Variants in BRWD1 observed in about 807,000 individuals in gnomAD.
BRWD1 encodes bromodomain and WD repeat domain containing 1, also known as bromodomain and WD repeat-containing protein 1.
BRWD1 carries 82 observed loss-of-function variants against 251.2 expected under a neutral mutation model. The ratio of observed to expected loss-of-function variants is 0.33; its 90% CI spans 0.27 to 0.39. BRWD1 has a LOEUF of 0.39. Ranked by LOEUF, BRWD1 falls within the 10% of genes least tolerant of loss-of-function variation. The probability of loss-of-function intolerance (pLI) is 1.00; values close to 1 mark genes in which losing one functional copy is unlikely to be tolerated. For missense variants in BRWD1, 2,233 were observed against 2,711.6 expected (o/e 0.82, Z 3.92); for synonymous variants, 918 against 902.8 (o/e 1.02, Z -0.30).
chr21:39,317,209 G>A (rs2036707855), upstream of BRWD1: 1 of 152,168 alleles, frequency 6.6e-6, no homozygotes, highest in East Asian at 1.9e-4. Flanking sequence ...CTCCAAACAA[G>A]GCAAGAATCT....
chr21:39,308,880 A>G (rs2036374334), intron 4 of BRWD1, among the ~76,000 whole-genome samples: 1 of 152,194 alleles, frequency 6.6e-6, no homozygotes, highest in Admixed American at 6.5e-5. Context: ...GAGATTTAAG[A>G]TAATCAGGGA....
intron 30 of BRWD1, 33 bp from the exon 31 acceptor site, chr21:39,218,305 T>C: frequency 6.3e-7 from 1 of 1,581,854 alleles, no homozygotes; most frequent in Non-Finnish European, 8.6e-7. Context: ...TTTTAATCAA[T>C]AAATCCATTG....
chr21:39,301,978 G>GTTTTTTTTT (rs750413248), intron 4 of BRWD1, among the ~76,000 whole-genome samples: 11 of 79,866 alleles, frequency 1.4e-4, no homozygotes, highest in East Asian at 4.0e-4. Context: ...AGCTTTGTGT[G>GTTTTTTTTT]TTTTTTTTTT....
chr21:39,261,232 A>AT (rs893757255), intron 17 of BRWD1, among the ~76,000 whole-genome samples: 15 of 152,268 alleles, frequency 9.9e-5, no homozygotes, highest in African/African-American at 3.6e-4. Flanking sequence ...CTCAAAAAAA[A>AT]TTTTTTTAAT....
chr21:39,202,117 T>G (rs2032138994), intron 38 of BRWD1, among the ~76,000 whole-genome samples: 1 of 152,228 alleles, frequency 6.6e-6, no homozygotes. Flanking sequence ...AATTGACAAT[T>G]CAATATAAAT....
chr21:39,291,327 G>C, intron 8 of BRWD1, among the ~76,000 whole-genome samples: 2 of 152,214 alleles, frequency 1.3e-5, no homozygotes, highest in Admixed American at 1.3e-4. Flanking sequence ...TCTAATGAGA[G>C]ATACCAATGT....
At chr21:39,262,342 A>C (rs1354847364) in intron 17 of BRWD1, among the ~76,000 whole-genome samples, 1 of 152,248 alleles carries the variant, frequency 6.6e-6, no homozygotes, top group Non-Finnish European at 1.5e-5. Context: ...GTGAATAAAC[A>C]GGAACAAACT....
chr21:39,229,567 A>AT, intron 25 of BRWD1, 131 bp from the exon 26 acceptor site: 2 of 784,712 alleles, frequency 2.5e-6, no homozygotes, highest in Non-Finnish European at 4.1e-6. Context: ...AATTAATACC[A>AT]TTAATTACAT....
upstream of BRWD1, chr21:39,317,082 G>A (rs1224494097): frequency 1.3e-5 from 2 of 152,134 alleles, no homozygotes; most frequent in Admixed American, 6.5e-5. Flanking sequence ...ATATCTTCCC[G>A]ATTCGACTCC....
At position 39,188,186 on chromosome 21, in the gene BRWD1, T is replaced by C. The variant is rs763924196; in HGVS notation, c.*8073A>G. 3.0e-5 allele frequency: 30 copies of C among 985,330 alleles called. No homozygotes were observed. Among genetic ancestry groups the C allele is most frequent in the Non-Finnish European group, 3.6e-5 (30 of 829,930 alleles). 61.0% of individuals were successfully genotyped at this position (985,330 alleles called of 1,614,324 possible). On this transcript the variant is annotated 3_prime_UTR_variant, in exon 41 of 41. Transcript: ENST00000342449. ...GTACTCTTCTAGAACAGAAGTGATA[T>C]TCCTTTTACGTATCTGAAGTTCACG... is the stretch of plus-strand genomic sequence containing the variant.
chr21:39,206,030 C>T, intron 37 of BRWD1, 78 bp downstream of exon 37: 1 of 1,433,528 alleles, frequency 7.0e-7, no homozygotes, highest in South Asian at 1.3e-5. Context: ...TGCCACTGCA[C>T]TCCAGCCTGG....
chr21:39,305,767 G>A (rs77090950), intron 4 of BRWD1, among the ~76,000 whole-genome samples: 46,380 of 151,536 alleles, frequency 0.31, 7,560 homozygotes, highest in Middle Eastern at 0.36. Flanking sequence ...GGAGGGCTGA[G>A]GCAGGAGAAT....
At chr21:39,296,602 T>G (rs1233856938) in intron 5 of BRWD1, 1 of 1,092,858 alleles carries the variant, frequency 9.2e-7, no homozygotes, top group Non-Finnish European at 1.1e-6. Flanking sequence ...ATTCACAAAG[T>G]GCTTTCAACA....
At position 39,198,581 on chromosome 21, in the gene BRWD1, G is replaced by C. The variant is rs143852078; in HGVS notation, c.5653+182C>G. Among the ~76,000 whole-genome samples, 10 of 152,152 alleles carry C rather than the reference G, an allele frequency of 6.6e-5. No homozygotes were observed. In the South Asian group the frequency reaches 2.1e-3, roughly 32 times the overall value. On this transcript the variant is annotated intron_variant, in intron 40 of 40. Coordinates refer to ENST00000342449, the MANE Select transcript of BRWD1 (RefSeq NM_033656.4). ...AAAATTATACTCAATAAAAAGTTAC[G>C]CATGCACATAAGAATATAAAGGATG...
chr21:39,194,850 A>G lies in BRWD1; in HGVS notation c.*1409T>C. ...CTGCCACTTCAAAGATACACAGGAG[A>G]AAAGGGTTAATTTTGTCTGAAATCA... On this transcript the variant is annotated 3_prime_UTR_variant, in exon 41 of 41. Transcript: ENST00000342449. 6.5e-7 allele frequency: 1 copy of G among 1,533,412 alleles called. No individual in the cohort carries two copies. The highest frequency in any genetic ancestry group is 1.4e-5 in the African/African-American group (1 of 73,028). The allele number at this position is 1,533,412 out of a possible 1,614,324, so 95.0% of individuals were successfully genotyped here.
intron 21 of BRWD1, among the ~76,000 whole-genome samples, chr21:39,243,826 A>C (rs2034086251): frequency 6.6e-6 from 1 of 152,148 alleles, no homozygotes; most frequent in Non-Finnish European, 1.5e-5. Context: ...CATATGTACA[A>C]CTCACTCTCA....
Position 39,197,214 on chromosome 21 carries a change from T to A in BRWD1, c.5855A>T (p.Asn1952Ile). The A allele has an allele frequency of 6.2e-7, 1 of 1,614,072 alleles. No individual in the cohort carries two copies. Among genetic ancestry groups the A allele is most frequent in the Middle Eastern group, 1.6e-4 (1 of 6,062 alleles). The change falls in exon 41 of 41, where the codon AAT (asparagine) becomes ATT (isoleucine). Residue 1952 changes from asparagine to isoleucine, a missense_variant. Around this residue, in one of 12 missense-constraint regions of BRWD1, gnomAD observed 928 missense variants for 970.0 expected, o/e 0.96. Coordinates refer to ENST00000342449, the MANE Select transcript of BRWD1 (RefSeq NM_033656.4). ...TCCATTTTTGCTTCTAGTGTGCACA[T>A]TTTCTAAACTGACATCTTCTACATC... ...MSDVEDVSLE[N>I]VHTRSKNGRK...
chr21:39,281,687 G>A (rs575359331), intron 8 of BRWD1, among the ~76,000 whole-genome samples: 84 of 152,158 alleles, frequency 5.5e-4, no homozygotes, highest in African/African-American at 1.5e-3. Flanking sequence ...AAAATTAGCC[G>A]GGCATGATGT....
intron 4 of BRWD1, among the ~76,000 whole-genome samples, chr21:39,303,738 G>T (rs1218542855): frequency 1.3e-5 from 2 of 151,626 alleles, no homozygotes; most frequent in East Asian, 1.9e-4. Flanking sequence ...TTGGAAGACG[G>T]CTTGAGCCCA....
Sources: allele counts gnomAD v4.1 joint callset (sites outside exome capture counted in the v4.1 genomes callset), GRCh38; gene constraint gnomAD v4.1.1; regional missense constraint gnomAD v4.1.1; transcripts MANE v1.5; gene names NCBI Gene and HGNC (gene_info 2026-07-23, HGNC 2026-07-21).